The following ZNF737 variants were observed in gnomAD, a reference collection of about 807,000 sequenced individuals.
The protein encoded by ZNF737 is zinc finger protein 737.
In ZNF737, 13 loss-of-function variants were observed where a neutral mutation model predicts 11.7. The observed-to-expected ratio is 1.11, with a 90% confidence interval of 0.73 to 1.77. ZNF737 has a LOEUF of 1.77. ZNF737 is among the 40% of genes most tolerant of loss of function. The probability of loss-of-function intolerance (pLI) is 0.00; values close to 1 mark genes in which losing one functional copy is unlikely to be tolerated. For missense variants in ZNF737, 636 were observed against 638.0 expected (o/e 1.00, Z 0.03); for synonymous variants, 217 against 216.2 (o/e 1.00, Z -0.03).
At position 20,541,037 on chromosome 19, in the gene ZNF737, T is replaced by C; in HGVS notation, c.*3555A>G. On this transcript the variant is annotated 3_prime_UTR_variant, in exon 4 of 4. Transcript: ENST00000427401. ...GCTTTTATTATTGTACTCAAGAGAG[T>C]TGTTTCTGGAGACAAAGTTGCCTGT... 10 of 985,282 alleles carry C rather than the reference T, an allele frequency of 1.0e-5. No individual in the cohort carries two copies. The highest frequency in any genetic ancestry group is 1.2e-5 in the Non-Finnish European group (10 of 829,884). The allele number at this position is 985,282 out of a possible 1,614,324, so 61.0% of individuals were successfully genotyped here.
At chr19:20,536,227 C>T (rs370119409), downstream of ZNF737, 3 of 457,706 alleles carry the variant, frequency 6.6e-6, no homozygotes, top group South Asian at 9.4e-5. Flanking sequence ...CTATTGAGTT[C>T]CTGTAATATT....
Position 20,552,475 on chromosome 19 carries a change from C to G in ZNF737, c.226G>C (p.Val76Leu). The G allele has an allele frequency of 6.3e-7, 1 of 1,581,558 alleles. No homozygotes were observed. Among genetic ancestry groups the G allele is most frequent in the East Asian group, 2.3e-5 (1 of 43,740 alleles). ...TATATTCATTTTCACTTGCACCTAC[C>G]TGAGGGGTTGGCTACCATCTCATGT... ...KKHEMVANPS[V>L]TCSHFARDLW... The change falls in exon 3 of 4, where the codon GTT becomes CTT. Residue 76 changes from valine (V) to leucine (L), a missense_variant and splice_region_variant. Transcript: ENST00000427401.
chr19:20,553,992 C>T (rs1046058204), intron 1 of ZNF737, among the ~76,000 whole-genome samples, 157 bp from the exon 2 acceptor site: 2 of 152,154 alleles, frequency 1.3e-5, no homozygotes, highest in Non-Finnish European at 2.9e-5. Context: ...GAAATATTCT[C>T]TAAAGTATTC....
downstream of ZNF737, among the ~76,000 whole-genome samples, chr19:20,535,528 GTTTTT>G (rs112343450): frequency 7.1e-6 from 1 of 139,988 alleles, no homozygotes; most frequent in East Asian, 2.1e-4. Flanking sequence ...CAAAATCCTC[GTTTTT>G]TTTTTTTTTG....
chr19:20,553,262 T>G (rs1555759217), intron 2 of ZNF737, among the ~76,000 whole-genome samples: 2 of 151,334 alleles, frequency 1.3e-5, no homozygotes, highest in Non-Finnish European at 2.9e-5. Flanking sequence ...TTTTCTTTTC[T>G]TTTTTTTTCC....
At position 20,544,062 on chromosome 19, in the gene ZNF737, A is replaced by C. The variant is rs782103682; in HGVS notation, c.*530T>G. On this transcript the variant is annotated 3_prime_UTR_variant, in exon 4 of 4. Coordinates refer to ENST00000427401, the MANE Select transcript of ZNF737 (RefSeq NM_001159293.2). ...AGAATGGCTTAAACCCAGGAGGCAG[A>C]GGTTGCAGTGAGCCGAGATCATGGC... is the stretch of plus-strand genomic sequence containing the variant. 60 of 847,304 alleles carry C rather than the reference A, an allele frequency of 7.1e-5. No individual in the cohort carries two copies. Among genetic ancestry groups the C allele is most frequent in the Non-Finnish European group, 8.2e-5 (58 of 703,354 alleles). The allele number at this position is 847,304 out of a possible 1,614,324, so 52.5% of individuals were successfully genotyped here. A position where few individuals can be genotyped will look rare whatever the true frequency, so the allele number is the denominator to read the frequency against.
intron 1 of ZNF737, among the ~76,000 whole-genome samples, chr19:20,561,851 A>G (rs1351573339): frequency 1.9e-4 from 29 of 152,200 alleles, no homozygotes; most frequent in Non-Finnish European, 1.3e-4. Flanking sequence ...CTGAAGTTCA[A>G]TAATTTGGTA....
chr19:20,558,537 C>A (rs1179282523), intron 1 of ZNF737, among the ~76,000 whole-genome samples: 6 of 151,880 alleles, frequency 4.0e-5, no homozygotes, highest in African/African-American at 1.5e-4. Flanking sequence ...AAAATGGAAG[C>A]AACTAGTTTA....
chr19:20,553,183 A>T (rs1438492203), intron 2 of ZNF737, among the ~76,000 whole-genome samples: 1 of 152,150 alleles, frequency 6.6e-6, no homozygotes, highest in Non-Finnish European at 1.5e-5. Flanking sequence ...ACTAATTTGG[A>T]GTGAAGATTA....
chr19:20,530,551 T>C, the ZNF737 span, among the ~76,000 whole-genome samples: 86,739 of 139,064 alleles, frequency 0.62, 29,248 homozygotes, highest in African/African-American at 0.82. Context: ...ACTTCTCAGA[T>C]GGGGCGGCCG....
At position 20,538,912 on chromosome 19, in the gene ZNF737, T is replaced by G. The variant is rs1224508449; in HGVS notation, c.*5680A>C. Reference sequence around the variant, plus strand: ...AATCTTTTGTTAATTCACTCTAAATTGAGACTACATTTACAATCTTCAGTT... The same window carrying G: ...AATCTTTTGTTAATTCACTCTAAATGGAGACTACATTTACAATCTTCAGTT... On this transcript the variant is annotated 3_prime_UTR_variant, in exon 4 of 4. Coordinates refer to ENST00000427401, the MANE Select transcript of ZNF737 (RefSeq NM_001159293.2). 4.1e-6 allele frequency: 4 copies of G among 985,208 alleles called. No individual in the cohort carries two copies. In the African/African-American group the frequency reaches 7.0e-5, roughly 17 times the overall value. The allele number at this position is 985,208 out of a possible 1,614,324, so 61.0% of individuals were successfully genotyped here.
downstream of ZNF737, among the ~76,000 whole-genome samples, chr19:20,531,851 C>G (rs1226702453): frequency 6.7e-6 from 1 of 150,228 alleles, no homozygotes; most frequent in Non-Finnish European, 1.5e-5. Context: ...GATAAATACT[C>G]ACATAGAGAA....
chr19:20,550,120 T>C (rs1555758011), intron 3 of ZNF737, among the ~76,000 whole-genome samples: 1 of 152,166 alleles, frequency 6.6e-6, no homozygotes, highest in African/African-American at 2.4e-5. Context: ...TAGTTCCTTT[T>C]AATGTCTTAA....
In ZNF737 at chr19:20,541,671, C is replaced by G. The variant is rs1968211395; in HGVS notation, c.*2921G>C. 6.6e-6 allele frequency among the ~76,000 whole-genome samples: 1 copy of G among 152,198 alleles called. No individual in the cohort carries two copies. On this transcript the variant is annotated 3_prime_UTR_variant, in exon 4 of 4. Coordinates refer to ENST00000427401, the MANE Select transcript of ZNF737 (RefSeq NM_001159293.2). ...GAACTCCTAACCTCAAGCATTCCACCTGTCTCGGCCTCCCAAAGTGCTGGA... is the reference window on the plus strand; with the variant it reads ...GAACTCCTAACCTCAAGCATTCCACGTGTCTCGGCCTCCCAAAGTGCTGGA...
chr19:20,537,737 G>A (rs560602361), downstream of ZNF737, among the ~76,000 whole-genome samples: 13 of 151,532 alleles, frequency 8.6e-5, no homozygotes, highest in East Asian at 3.9e-4. Context: ...GGCTGGTCTC[G>A]AACTCCTGAC....
chr19:20,559,650 GTAAA>G (rs1185930216), intron 1 of ZNF737, among the ~76,000 whole-genome samples: 1 of 152,204 alleles, frequency 6.6e-6, no homozygotes, highest in African/African-American at 2.4e-5. Context: ...TGGTGGGAGT[GTAAA>G]TAGTTTAACA....
chr19:20,558,537 C>T (rs1179282523), intron 1 of ZNF737, among the ~76,000 whole-genome samples: 1 of 151,880 alleles, frequency 6.6e-6, no homozygotes, highest in African/African-American at 2.4e-5. Flanking sequence ...AAAATGGAAG[C>T]AACTAGTTTA....
Position 20,540,131 on chromosome 19 carries a change from A to G in ZNF737, c.*4461T>C. 2 of 985,402 alleles carry G rather than the reference A, an allele frequency of 2.0e-6. No individual in the cohort carries two copies. The highest frequency in any genetic ancestry group is 2.4e-6 in the Non-Finnish European group (2 of 829,924). 61.0% of individuals were successfully genotyped at this position (985,402 alleles called of 1,614,324 possible). A position where few individuals can be genotyped will look rare whatever the true frequency, so the allele number is the denominator to read the frequency against. On this transcript the variant is annotated 3_prime_UTR_variant, in exon 4 of 4. Coordinates refer to ENST00000427401, the MANE Select transcript of ZNF737 (RefSeq NM_001159293.2). ...CATGGAGGAGGCAGAAATGATGGCA[A>G]GATACAAACATTTTTCCCGCCATGT...
rs782444831 is a variant in ZNF737 at position 20,545,349 on chromosome 19, T to C, written c.854A>G (p.Tyr285Cys). The part of the protein sequence containing the change: ...HKIIHTGEKP[Y>C]KCEECGKAFK... ...GGCCTTGCCACATTCTTCACATTTG[T>C]AGGGTTTCTCTCCAGTATGAATTAT... Residue 285 changes from tyrosine to cysteine, a missense_variant, in exon 4 of 4, where the codon TAC (tyrosine) becomes TGC (cysteine). Transcript: ENST00000427401. The C allele has an allele frequency of 6.2e-7, 1 of 1,613,732 alleles. No homozygotes were observed. Among genetic ancestry groups the C allele is most frequent in the African/African-American group, 1.3e-5 (1 of 74,968 alleles).
Sources: allele counts gnomAD v4.1 joint callset (sites outside exome capture counted in the v4.1 genomes callset), GRCh38; gene constraint gnomAD v4.1.1; transcripts MANE v1.5; gene names NCBI Gene and HGNC (gene_info 2026-07-23, HGNC 2026-07-21).